The following VWA2 variants were observed in gnomAD, a reference collection of about 807,000 sequenced individuals.
VWA2 encodes von Willebrand factor A domain containing 2.
A neutral mutation model predicts 70.4 loss-of-function variants in VWA2; 73 were observed. The ratio of observed to expected loss-of-function variants is 1.04; its 90% CI spans 0.86 to 1.26. The LOEUF (loss-of-function observed/expected upper bound fraction) is 1.26, where lower values mean the gene tolerates loss of function less well. Ranked by LOEUF, VWA2 falls within the 50% of genes most tolerant of loss-of-function variation. The probability of loss-of-function intolerance (pLI) is 0.00; values close to 1 mark genes in which losing one functional copy is unlikely to be tolerated. For synonymous variants in VWA2, 407 were observed against 423.3 expected, an observed-to-expected ratio of 0.96 and a Z score of 0.47; for missense variants, 1,011 against 998.5, an observed-to-expected ratio of 1.01 and a Z score of -0.17.
At chr10:114,240,880 G>A (rs904395722) in intron 1 of VWA2, among the ~76,000 whole-genome samples, 16 of 152,202 alleles carry the variant, frequency 1.1e-4, no homozygotes, top group African/African-American at 2.7e-4. Flanking sequence ...TCCCAGGTTG[G>A]AGAAGAGGAT....
At chr10:114,281,203 G>A (rs2038084056) in intron 8 of VWA2, 1 of 152,238 alleles carries the variant, frequency 6.6e-6, no homozygotes, top group Non-Finnish European at 1.5e-5. Context: ...AGAACTTTAG[G>A]GAATGTTTCT....
At chr10:114,284,516 G>A (rs529001926) in intron 9 of VWA2, among the ~76,000 whole-genome samples, 1 of 152,324 alleles carries the variant, frequency 6.6e-6, no homozygotes, top group African/African-American at 2.4e-5. Flanking sequence ...GTAGAACTTA[G>A]AAGACAGGGC....
intron 2 of VWA2, among the ~76,000 whole-genome samples, chr10:114,250,644 T>C (rs551434204): frequency 6.6e-6 from 1 of 152,240 alleles, no homozygotes; most frequent in Non-Finnish European, 1.5e-5. Context: ...TCAGAAATGC[T>C]GGTGGAAGTT....
intron 3 of VWA2, among the ~76,000 whole-genome samples, chr10:114,254,114 C>T (rs2037267957): frequency 6.6e-6 from 1 of 151,902 alleles, no homozygotes; most frequent in Non-Finnish European, 1.5e-5. Context: ...TCCTGTCGCC[C>T]AGGCTGGAGT....
At chr10:114,255,197 A>G in intron 4 of VWA2, 149 bp downstream of exon 4, 1 of 914,030 alleles carries the variant, frequency 1.1e-6, no homozygotes. Context: ...GTGGGATCCA[A>G]GGGCTGAGTT....
Position 114,263,863 on chromosome 10 carries a change from A to G in VWA2, c.371+2568A>G, listed in dbSNP as rs377113060. 2.6e-5 allele frequency among the ~76,000 whole-genome samples: 4 copies of G among 152,356 alleles called. No homozygotes were observed. In the East Asian group the frequency reaches 7.7e-4, roughly 29 times the overall value. ...TCACAAAGAAACCTTGTAAGTAGAC[A>G]TTGTTCCAAAGAAGATAGACAAATG... is the stretch of plus-strand genomic sequence containing the variant. On this transcript the variant is annotated intron_variant, in intron 5 of 13. Transcript: ENST00000392982.
intron 5 of VWA2, among the ~76,000 whole-genome samples, chr10:114,263,023 G>T (rs193103382): frequency 6.6e-6 from 1 of 152,086 alleles, no homozygotes; most frequent in Non-Finnish European, 1.5e-5. Flanking sequence ...AGGAATATGC[G>T]CTTTGTTTTT....
At chr10:114,248,536 C>T (rs924778565) in intron 1 of VWA2, among the ~76,000 whole-genome samples, 168 bp from the exon 2 acceptor site, 11 of 152,104 alleles carry the variant, frequency 7.2e-5, no homozygotes, top group Non-Finnish European at 1.3e-4. Context: ...GGAGTAAAGT[C>T]TTCCATGACT....
chr10:114,286,336 G>A lies in VWA2; in HGVS notation c.1395G>A (p.Ala465=), dbSNP rs151238811. 287 of 1,613,198 alleles carry A rather than the reference G, an allele frequency of 1.8e-4. 2 individuals are homozygous for A. Among genetic ancestry groups the A allele is most frequent in the East Asian group, 1.1e-3 (48 of 44,868 alleles). ...SHSEDEVAGP[A]RHARARELLL... ...CCGAGGATGAGGTTGCGGGCCCAGC[G>A]CGTCACGCAAGGGCGCGAGAGCTGC... is the stretch of plus-strand genomic sequence containing the variant. The change falls in exon 11 of 14, where the codon GCG becomes GCA. Residue 465 remains alanine, a synonymous_variant. Transcript: ENST00000392982.
At chr10:114,242,411 G>A (rs2036988513) in intron 1 of VWA2, among the ~76,000 whole-genome samples, 1 of 152,132 alleles carries the variant, frequency 6.6e-6, no homozygotes, top group African/African-American at 2.4e-5. Context: ...TGTACCGCAT[G>A]CCTCATAGTA....
At chr10:114,290,148 C>G in intron 12 of VWA2, 92 bp from the exon 13 acceptor site, 1 of 1,491,192 alleles carries the variant, frequency 6.7e-7, no homozygotes, top group South Asian at 1.3e-5. Context: ...ACTCTAGTAG[C>G]CTTGCACCTC....
chr10:114,253,657 C>T lies in VWA2; in HGVS notation c.59C>T (p.Pro20Leu). The change falls in exon 3 of 14, where the codon CCA becomes CTA. Residue 20 changes from proline to leucine, a missense_variant. Physicochemically the swap from Pro to Leu is moderately conservative, Grantham distance 98. Transcript: ENST00000392982. ...CTGGTGTTTTCTCTCCTAGTGCCCC[C>T]ATCTCTCCCTCTCCAGGAAGTCCAT... The part of the protein sequence containing the change: ...VCVFLFSRVP[P>L]SLPLQEVHVS... The T allele has an allele frequency of 6.2e-7, 1 of 1,612,018 alleles. No homozygotes were observed. Among genetic ancestry groups the T allele is most frequent in the Non-Finnish European group, 8.5e-7 (1 of 1,179,666 alleles).
In VWA2 at chr10:114,286,312, C is replaced by T. The variant is rs780768383; in HGVS notation, c.1371C>T (p.Ser457=). 6.8e-6 allele frequency: 11 copies of T among 1,611,680 alleles called. No homozygotes were observed. The Admixed American group carries it at 8.3e-5, about 12-fold the overall frequency. The change falls in exon 11 of 14, where the codon TCC becomes TCT. Residue 457 remains serine (S), a synonymous_variant. Coordinates refer to ENST00000392982, the MANE Select transcript of VWA2 (RefSeq NM_001272046.2). The part of the protein sequence containing the change: ...RVVVLLTESH[S]EDEVAGPARH... ...TGGTTTTGCTCACTGAGTCACACTC[C>T]GAGGATGAGGTTGCGGGCCCAGCGC...
At chr10:114,277,844 G>A (rs1036409406) in intron 6 of VWA2, 70 bp from the exon 7 acceptor site, 32 of 1,513,484 alleles carry the variant, frequency 2.1e-5, no homozygotes, top group Middle Eastern at 2.4e-4. Flanking sequence ...AGGAACCCAC[G>A]GCCTAGAAGA....
chr10:114,278,917 A>G, intron 8 of VWA2, 66 bp downstream of exon 8: 1 of 1,595,622 alleles, frequency 6.3e-7, no homozygotes. Context: ...AGCTGCGGGG[A>G]GGATAGTACT....
intron 4 of VWA2, 103 bp downstream of exon 4, chr10:114,255,151 G>A: frequency 1.4e-6 from 2 of 1,437,116 alleles, no homozygotes; most frequent in Non-Finnish European, 1.9e-6. Flanking sequence ...TGTGGAGCTG[G>A]GAAGACCAAG....
Position 114,291,369 on chromosome 10 carries a change from C to T in VWA2, c.*132C>T. 8.8e-7 allele frequency: 1 copy of T among 1,135,228 alleles called. No homozygotes were observed. The highest frequency in any genetic ancestry group is 1.2e-6 in the Non-Finnish European group (1 of 824,346). The allele number at this position is 1,135,228 out of a possible 1,614,324, so 70.3% of individuals were successfully genotyped here. ...AGGTCCTTAGAATGTCTGCTTCCCG[C>T]CGTGGCCAGGACCACTATTCTCACT... On this transcript the variant is annotated 3_prime_UTR_variant, in exon 14 of 14. Transcript: ENST00000392982.
At chr10:114,253,622 A>T in intron 2 of VWA2, 29 bp from the exon 3 acceptor site, 1 of 1,604,288 alleles carries the variant, frequency 6.2e-7, no homozygotes, top group South Asian at 1.1e-5. Flanking sequence ...CAGCATTTTA[A>T]TGGCTGCTTC....
intron 13 of VWA2, among the ~76,000 whole-genome samples, chr10:114,290,722 CA>C (rs35482716): frequency 0.25 from 37,722 of 151,974 alleles, 4,939 homozygotes; most frequent in African/African-American, 0.33. Context: ...ACAGTAGATC[CA>C]GGGTACAGGG....
Sources: gnomAD v4.1 joint callset for allele counts (sites outside exome capture counted in the v4.1 genomes callset) on GRCh38, gnomAD v4.1.1 for gene constraint, MANE v1.5 for transcripts, NCBI Gene and HGNC (gene_info 2026-07-23, HGNC 2026-07-21) for gene names.